GNAO1: variants seen among roughly 807,000 people sequenced by gnomAD.
GNAO1 encodes the protein G protein subunit alpha o1.
For missense variants in GNAO1, 166 were observed against 478.7 expected, an observed-to-expected ratio of 0.35 and a Z score of 6.10; for synonymous variants, 164 against 180.7, an observed-to-expected ratio of 0.91 and a Z score of 0.74.
At chr16:56,284,640 A>G (rs894057190) in intron 3 of GNAO1, among the ~76,000 whole-genome samples, 28 of 152,134 alleles carry the variant, frequency 1.8e-4, no homozygotes, top group Non-Finnish European at 3.2e-4. Flanking sequence ...GCCCCCCAGC[A>G]GCACACTCTA....
chr16:56,241,522 C>T (rs1407795675), intron 2 of GNAO1, among the ~76,000 whole-genome samples: 3 of 152,156 alleles, frequency 2.0e-5, no homozygotes, highest in Admixed American at 1.3e-4. Context: ...GGTTTGTTTG[C>T]ATTGTATTTG....
intron 3 of GNAO1, among the ~76,000 whole-genome samples, chr16:56,327,009 G>T (rs1408633239): frequency 6.6e-6 from 1 of 152,120 alleles, no homozygotes; most frequent in Non-Finnish European, 1.5e-5. Flanking sequence ...ACTCACCATC[G>T]GGTTGTTAAG....
intron 2 of GNAO1, chr16:56,194,126 C>T (rs1421600732): frequency 4.4e-6 from 2 of 456,560 alleles, no homozygotes; most frequent in South Asian, 3.1e-5. Context: ...AGACAATTTT[C>T]CCATCTGCTT....
chr16:56,306,023 C>G (rs1430152230), intron 3 of GNAO1, among the ~76,000 whole-genome samples: 3 of 152,206 alleles, frequency 2.0e-5, no homozygotes, highest in African/African-American at 7.2e-5. Context: ...GAACACAGTT[C>G]AGCTCCTAAC....
chr16:56,259,656 G>A (rs984150430), intron 2 of GNAO1, among the ~76,000 whole-genome samples: 15 of 152,240 alleles, frequency 9.9e-5, no homozygotes, highest in African/African-American at 3.6e-4. Flanking sequence ...GCACTGGCCA[G>A]GGCTGAGCAG....
intron 2 of GNAO1, chr16:56,235,438 AG>A: frequency 4.4e-6 from 2 of 455,668 alleles, no homozygotes; most frequent in South Asian, 3.1e-5. Context: ...AGTCCAGGCA[AG>A]GGGCTCTGCT....
At chr16:56,347,652 C>G in intron 6 of GNAO1, 6 of 985,862 alleles carry the variant, frequency 6.1e-6, no homozygotes, top group Non-Finnish European at 7.2e-6. Flanking sequence ...AGCTCTCATC[C>G]CCAGGCCCAG....
At chr16:56,343,692 G>A in intron 6 of GNAO1, 1 of 1,273,186 alleles carries the variant, frequency 7.9e-7, no homozygotes. Context: ...CACAGGCCAG[G>A]CTGGGGTCGT....
intron 2 of GNAO1, among the ~76,000 whole-genome samples, chr16:56,225,507 C>G (rs534719563): frequency 3.3e-5 from 5 of 152,298 alleles, no homozygotes; most frequent in Non-Finnish European, 5.9e-5. Context: ...TGTTTGGGCT[C>G]TAGCTAGTTA....
intron 3 of GNAO1, among the ~76,000 whole-genome samples, chr16:56,277,775 CTACACACACACA>C (rs1315644182): frequency 3.6e-5 from 3 of 83,550 alleles, no homozygotes; most frequent in Admixed American, 2.5e-4. Flanking sequence ...GGCACACCCC[CTACACACACACA>C]CACACACACA....
chr16:56,337,163 C>A (rs2037748961), intron 6 of GNAO1, among the ~76,000 whole-genome samples: 1 of 152,250 alleles, frequency 6.6e-6, no homozygotes, highest in South Asian at 2.1e-4. Context: ...CAGGCCATAG[C>A]AAATTTAAGC....
chr16:56,222,287 C>T (rs1045101388), intron 2 of GNAO1, among the ~76,000 whole-genome samples: 16 of 152,096 alleles, frequency 1.1e-4, no homozygotes, highest in Non-Finnish European at 1.9e-4. Context: ...GAGGCAGCCT[C>T]CTTGATTTGC....
chr16:56,206,962 G>T (rs2143318239), intron 2 of GNAO1, among the ~76,000 whole-genome samples: 1 of 152,326 alleles, frequency 6.6e-6, no homozygotes, highest in South Asian at 2.1e-4. Context: ...CTTCAAAACT[G>T]GTTTGAAACC....
In GNAO1 at chr16:56,228,826, GCC is replaced by G. The variant is rs572184741; in HGVS notation, c.161+36213_161+36214del. ...TGTAAATTAGCATCCCACTGTTACC[GCC>G]CCTTCACTTACCCTGCTTCATATAT... is the stretch of plus-strand genomic sequence containing the variant. On this transcript the variant is annotated intron_variant, in intron 2 of 8. Coordinates refer to ENST00000262493, the MANE Select transcript of GNAO1 (RefSeq NM_020988.3). 9.6e-3 allele frequency among the ~76,000 whole-genome samples: 1,467 copies of G among 152,276 alleles called. 25 individuals carry two copies. Among genetic ancestry groups the G allele is most frequent in the African/African-American group, 0.033 (1,363 of 41,536 alleles).
At chr16:56,355,218 T>C (rs1219868199) in intron 8 of GNAO1, 137 bp downstream of exon 8, 1 of 224,216 alleles carries the variant, frequency 4.5e-6, no homozygotes, top group East Asian at 9.4e-5. Context: ...TATATATATA[T>C]ATATATATAC....
intron 3 of GNAO1, 103 bp from the exon 4 acceptor site, chr16:56,328,528 G>A (rs760146343): frequency 6.5e-5 from 77 of 1,188,106 alleles, no homozygotes; most frequent in Non-Finnish European, 8.6e-5. Flanking sequence ...TGCTGCACTG[G>A]CTGGGCTCTC....
rs201638233 is a variant in GNAO1, at chr16:56,354,975, G to A, written c.987G>A (p.Thr329=). 25 of 1,613,216 alleles carry A rather than the reference G, an allele frequency of 1.5e-5. No individual in the cohort carries two copies. The highest frequency in any genetic ancestry group is 2.0e-5 in the Non-Finnish European group (24 of 1,179,426). Residue 329 remains threonine, a synonymous_variant, in exon 8 of 9, where the codon ACG becomes ACA. Coordinates refer to ENST00000262493, the MANE Select transcript of GNAO1 (RefSeq NM_020988.3). This position sits in a 1 kb window ranked among gnomAD's most constrained non-coding sequence, Gnocchi z 4.3. ...IYCHMTCATD[T]NNIQVVFDAV... is the part of the protein sequence containing the mutation. ...GTCACATGACTTGTGCCACAGACAC[G>A]AATAACATCCAGGTGGTGTTCGACG...
chr16:56,234,730 T>TC (rs1181172847), intron 2 of GNAO1, among the ~76,000 whole-genome samples: 2 of 151,766 alleles, frequency 1.3e-5, no homozygotes, highest in African/African-American at 4.8e-5. Flanking sequence ...CCCCTCTGGT[T>TC]CCCCCCCAAC....
Position 56,324,877 on chromosome 16 carries a change from C to CT in GNAO1, c.304-3753dup, listed in dbSNP as rs1477319080. Among the ~76,000 whole-genome samples, 5 of 152,272 alleles carry CT rather than the reference C, an allele frequency of 3.3e-5. No homozygotes were observed. In the East Asian group the frequency reaches 9.6e-4, roughly 29 times the overall value. ...GGAGGGGCACAGCTTCCAGAACTTT[C>CT]TCACTGCCCTTCTGCAGTGGACAGG... On this transcript the variant is annotated intron_variant, in intron 3 of 8. Coordinates refer to ENST00000262493, the MANE Select transcript of GNAO1 (RefSeq NM_020988.3).
Sources: gnomAD v4.1 joint callset for allele counts (sites outside exome capture counted in the v4.1 genomes callset) on GRCh38, gnomAD v4.1.1 for gene constraint, Gnocchi (gnomAD v3.1) non-coding constraint, MANE v1.5 for transcripts, NCBI Gene and HGNC (gene_info 2026-07-23, HGNC 2026-07-21) for gene names.